The following SLC22A4 variants were observed in gnomAD, a reference collection of about 807,000 sequenced individuals.
The protein encoded by SLC22A4 is ET transporter.
SLC22A4 carries 39 observed loss-of-function variants against 56.6 expected under a neutral mutation model. The ratio of observed to expected loss-of-function variants is 0.69; its 90% CI spans 0.53 to 0.90. The LOEUF is 0.90. Ranked by LOEUF, SLC22A4 falls within the 40% of genes least tolerant of loss-of-function variation. The pLI is 0.00. For missense variants in SLC22A4, 594 were observed against 696.5 expected (o/e 0.85, Z 1.66); for synonymous variants, 241 against 281.4 (o/e 0.86, Z 1.44).
intron 8 of SLC22A4, among the ~76,000 whole-genome samples, chr5:132,339,031 G>A (rs4551060): frequency 0.15 from 22,218 of 152,180 alleles, 2,060 homozygotes; most frequent in Non-Finnish European, 0.21. Flanking sequence ...AAAGACAGGC[G>A]TAAGAAATTA....
intron 5 of SLC22A4, among the ~76,000 whole-genome samples, chr5:132,328,930 T>TAC (rs1213933814): frequency 2.2e-3 from 49 of 21,942 alleles, no homozygotes; most frequent in African/African-American, 9.5e-3. Context: ...TATATATATA[T>TAC]ACACACACAC....
chr5:132,333,480 T>G (rs1750924350), intron 6 of SLC22A4, among the ~76,000 whole-genome samples: 1 of 152,200 alleles, frequency 6.6e-6, no homozygotes, highest in Non-Finnish European at 1.5e-5. Flanking sequence ...GGTGCCTTCA[T>G]GGGCAGAAAC....
chr5:132,299,409 ATTTT>A (rs1430884871), intron 1 of SLC22A4, among the ~76,000 whole-genome samples: 3 of 140,756 alleles, frequency 2.1e-5, no homozygotes, highest in African/African-American at 9.3e-5. Flanking sequence ...ATTTTATTTT[ATTTT>A]ATTTTATTTT....
At chr5:132,309,839 A>G (rs34695718) in intron 1 of SLC22A4, among the ~76,000 whole-genome samples, 1 of 152,244 alleles carries the variant, frequency 6.6e-6, no homozygotes, top group African/African-American at 2.4e-5. Flanking sequence ...ACAGCCTTCC[A>G]TTCCTTTCTA....
intron 1 of SLC22A4, among the ~76,000 whole-genome samples, chr5:132,309,056 G>A (rs1343579008): frequency 1.3e-5 from 2 of 152,236 alleles, no homozygotes; most frequent in South Asian, 2.1e-4. Context: ...GGGAGGTTTT[G>A]TGGCCCTGGC....
chr5:132,309,346 C>T lies in SLC22A4; in HGVS notation c.394-2815C>T, dbSNP rs181435320. ...GGCAGCCATGCAGTCTAGCTGCCTTCCCCTGCTGGTTGTAAGCAGGGTCTC... is the reference window on the plus strand; with the variant it reads ...GGCAGCCATGCAGTCTAGCTGCCTTTCCCTGCTGGTTGTAAGCAGGGTCTC... On this transcript the variant is annotated intron_variant, in intron 1 of 9. Transcript: ENST00000200652. Among the ~76,000 whole-genome samples, 3 of 152,344 alleles carry T rather than the reference C, an allele frequency of 2.0e-5. No homozygotes were observed. The East Asian group carries it at 5.8e-4, about 29-fold the overall frequency.
rs1750975100 is a variant in SLC22A4, at chr5:132,334,898, A to G, written c.1227A>G (p.Gly409=). Residue 409 remains glycine (G), a synonymous_variant, in exon 7 of 10, where the codon GGA becomes GGG. Transcript: ENST00000200652. ...TAGCTGCAGTACTGTTCTGGGGAGG[A>G]GGTGTGCTTCTCTTCATTCAACTGG... ...YIIAAVLFWG[G]GVLLFIQLVP... is the part of the protein sequence containing the mutation. The G allele has an allele frequency of 6.2e-7, 1 of 1,613,562 alleles. No individual in the cohort carries two copies. The highest frequency in any genetic ancestry group is 1.7e-5 in the Admixed American group (1 of 59,988).
chr5:132,314,936 T>C (rs769943140), intron 3 of SLC22A4, among the ~76,000 whole-genome samples: 1 of 152,160 alleles, frequency 6.6e-6, no homozygotes, highest in African/African-American at 2.4e-5. Context: ...TAGCACACTC[T>C]TCAGCAGGCC....
rs928054729 is a variant in SLC22A4, at chr5:132,331,781, A to G, written c.977A>G (p.Lys326Arg). ...VEELNPLKQQ[K>R]AFILDLFRTR... ...GAGCTAAATCCCCTGAAGCAGCAGA[A>G]AGCTTTCATTCTGGACCTGTTCAGG... Residue 326 changes from lysine (K) to arginine (R), a missense_variant, in exon 6 of 10, where the codon AAA becomes AGA. Physicochemically the swap from Lys to Arg is conservative, Grantham distance 26. Coordinates refer to ENST00000200652, the MANE Select transcript of SLC22A4 (RefSeq NM_003059.3). 3 of 1,613,564 alleles carry G rather than the reference A, an allele frequency of 1.9e-6. No individual in the cohort carries two copies. The highest frequency in any genetic ancestry group is 2.5e-6 in the Non-Finnish European group (3 of 1,179,658).
intron 6 of SLC22A4, among the ~76,000 whole-genome samples, chr5:132,332,513 G>T (rs76262964): frequency 0.013 from 1,967 of 152,154 alleles, 38 homozygotes; most frequent in African/African-American, 0.045. Flanking sequence ...TTCAGCTCCT[G>T]CTTCCTGAAG....
At chr5:132,339,475 TACACACACAC>T (rs58759726) in intron 8 of SLC22A4, among the ~76,000 whole-genome samples, 1 of 146,638 alleles carries the variant, frequency 6.8e-6, no homozygotes. Context: ...GGTACACACG[TACACACACAC>T]ACACACACAC....
intron 4 of SLC22A4, among the ~76,000 whole-genome samples, chr5:132,325,244 T>C (rs956734552): frequency 2.0e-5 from 3 of 152,232 alleles, no homozygotes; most frequent in African/African-American, 7.2e-5. Flanking sequence ...TAGTAAGATC[T>C]CTAATTCTGC....
intron 2 of SLC22A4, among the ~76,000 whole-genome samples, chr5:132,312,861 GGCAAT>G (rs1362913747): frequency 6.6e-6 from 1 of 152,168 alleles, no homozygotes; most frequent in African/African-American, 2.4e-5. Flanking sequence ...GGTACTAAAT[GGCAAT>G]GCTGGGGAAA....
At chr5:132,332,753 C>CACAT (rs1750903041) in intron 6 of SLC22A4, among the ~76,000 whole-genome samples, 1 of 151,864 alleles carries the variant, frequency 6.6e-6, no homozygotes. Flanking sequence ...CACACACACA[C>CACAT]ACACACACAC....
chr5:132,306,196 A>G (rs962191629), intron 1 of SLC22A4, among the ~76,000 whole-genome samples: 2 of 151,664 alleles, frequency 1.3e-5, no homozygotes, highest in African/African-American at 4.9e-5. Flanking sequence ...TTGAGTATAT[A>G]CTTACCGTAT....
chr5:132,312,908 T>C (rs1292823152), intron 2 of SLC22A4, among the ~76,000 whole-genome samples: 3 of 152,158 alleles, frequency 2.0e-5, no homozygotes, highest in Non-Finnish European at 2.9e-5. Context: ...GCCAGAGACA[T>C]GAGTTTGGAA....
chr5:132,337,027 T>G (rs1017263554), intron 8 of SLC22A4, among the ~76,000 whole-genome samples: 12 of 152,214 alleles, frequency 7.9e-5, no homozygotes, highest in African/African-American at 2.7e-4. Context: ...ATTTCCAGGT[T>G]TTTGCTATTA....
intron 1 of SLC22A4, among the ~76,000 whole-genome samples, chr5:132,303,607 A>G (rs1304936548): frequency 6.6e-6 from 1 of 152,070 alleles, no homozygotes; most frequent in Non-Finnish European, 1.5e-5. Flanking sequence ...AAACCACAGA[A>G]GGTAAAATCC....
chr5:132,305,720 TAAAG>T (rs1325706273), intron 1 of SLC22A4, among the ~76,000 whole-genome samples: 1 of 152,158 alleles, frequency 6.6e-6, no homozygotes, highest in Non-Finnish European at 1.5e-5. Context: ...AAAACTGAGA[TAAAG>T]AAATTCAAAA....
Sources: allele counts gnomAD v4.1 joint callset (sites outside exome capture counted in the v4.1 genomes callset), GRCh38; gene constraint gnomAD v4.1.1; transcripts MANE v1.5; gene names NCBI Gene and HGNC (gene_info 2026-07-23, HGNC 2026-07-21).